Variants in SHB observed in about 807,000 individuals in gnomAD.
SHB encodes the protein SH2 domain-containing adapter protein B.
SHB carries 20 observed loss-of-function variants against 52.3 expected under a neutral mutation model. That is an observed-to-expected ratio of 0.38 (90% CI 0.27 to 0.56). The LOEUF (loss-of-function observed/expected upper bound fraction) is 0.56, where lower values mean the gene tolerates loss of function less well. Among genes scored for constraint, SHB ranks in the 20% least tolerant of loss-of-function variants. SHB has a pLI of 0.71. For missense variants in SHB, 825 were observed against 723.3 expected, an observed-to-expected ratio of 1.14 and a Z score of -1.61; for synonymous variants, 397 against 316.5, an observed-to-expected ratio of 1.25 and a Z score of -2.70.
intron 2 of SHB, among the ~76,000 whole-genome samples, chr9:37,999,162 C>A (rs188340866): frequency 3.0e-3 from 458 of 152,294 alleles, no homozygotes; most frequent in African/African-American, 0.01. Context: ...AGTCTGGGCT[C>A]AGATCTGAGG....
At chr9:37,978,265 AG>A (rs1347637442) in intron 2 of SHB, among the ~76,000 whole-genome samples, 22 of 152,236 alleles carry the variant, frequency 1.4e-4, no homozygotes, top group Non-Finnish European at 2.6e-4. Context: ...CCTCTCATGC[AG>A]GATTTATTGT....
intron 1 of SHB, among the ~76,000 whole-genome samples, chr9:38,064,904 CAGG>C (rs1271697972): frequency 6.6e-6 from 1 of 152,216 alleles, no homozygotes; most frequent in Admixed American, 6.5e-5. Flanking sequence ...GAGGCCAAGG[CAGG>C]AGGATTGCTT....
intron 1 of SHB, among the ~76,000 whole-genome samples, chr9:38,067,411 G>A (rs1351296900): frequency 6.6e-5 from 10 of 152,152 alleles, no homozygotes; most frequent in Non-Finnish European, 8.8e-5. Flanking sequence ...GGTGGGGCAG[G>A]GCAGGGCCGG....
At chr9:37,988,786 C>T (rs1159359412) in intron 2 of SHB, among the ~76,000 whole-genome samples, 1 of 152,206 alleles carries the variant, frequency 6.6e-6, no homozygotes, top group African/African-American at 2.4e-5. Flanking sequence ...TGGGCCTCAT[C>T]CAATCAGTTG....
At chr9:37,926,391 G>T (rs1202381063) in intron 5 of SHB, among the ~76,000 whole-genome samples, 1 of 152,172 alleles carries the variant, frequency 6.6e-6, no homozygotes, top group Non-Finnish European at 1.5e-5. Flanking sequence ...AGTGCTAGAA[G>T]ATTCGAGAAG....
At chr9:37,996,705 A>G (rs1397448531) in intron 2 of SHB, among the ~76,000 whole-genome samples, 2 of 152,108 alleles carry the variant, frequency 1.3e-5, no homozygotes, top group Non-Finnish European at 2.9e-5. Flanking sequence ...TCAACACCCA[A>G]AGGCATTCAA....
chr9:38,002,663 A>C (rs138378639), intron 2 of SHB, among the ~76,000 whole-genome samples: 340 of 152,284 alleles, frequency 2.2e-3, no homozygotes, highest in African/African-American at 7.6e-3. Flanking sequence ...TGGCTCTAAA[A>C]TTCTCTCTCT....
At chr9:38,009,098 A>T (rs1821105971) in intron 2 of SHB, among the ~76,000 whole-genome samples, 1 of 152,196 alleles carries the variant, frequency 6.6e-6, no homozygotes, top group African/African-American at 2.4e-5. Flanking sequence ...CTTCTCTGAC[A>T]CCCAAGCAAG....
intron 5 of SHB, among the ~76,000 whole-genome samples, chr9:37,923,170 G>A (rs1832203252): frequency 6.6e-6 from 1 of 152,216 alleles, no homozygotes; most frequent in East Asian, 1.9e-4. Context: ...GCACTCCCCA[G>A]ACCTGAGAGA....
intron 2 of SHB, among the ~76,000 whole-genome samples, chr9:38,013,438 CT>C (rs201999994): frequency 0.019 from 2,830 of 152,266 alleles, 50 homozygotes; most frequent in East Asian, 0.09. Flanking sequence ...CCCGTCTCTA[CT>C]AAAACTACAA....
At chr9:37,928,447 G>A (rs1385211417) in intron 5 of SHB, among the ~76,000 whole-genome samples, 1 of 152,200 alleles carries the variant, frequency 6.6e-6, no homozygotes, top group Non-Finnish European at 1.5e-5. Context: ...GGGCAATTTT[G>A]CACTCCCTCT....
intron 2 of SHB, among the ~76,000 whole-genome samples, chr9:37,986,775 C>T (rs1012574753): frequency 2.6e-5 from 4 of 152,180 alleles, no homozygotes; most frequent in East Asian, 1.9e-4. Flanking sequence ...CATGACAGGG[C>T]GGGCATCCCC....
At chr9:38,067,896 G>C (rs898936344) in intron 1 of SHB, 33 bp downstream of exon 1, 22 of 1,428,400 alleles carry the variant, frequency 1.5e-5, no homozygotes, top group Non-Finnish European at 1.9e-5. Flanking sequence ...CCGTGGCTCT[G>C]GAACCTCGGG....
intron 1 of SHB, among the ~76,000 whole-genome samples, chr9:38,036,094 T>C (rs973899296): frequency 1.3e-5 from 2 of 152,170 alleles, no homozygotes; most frequent in African/African-American, 4.8e-5. Flanking sequence ...ATCTTCTCCC[T>C]GCAGCACCCA....
chr9:37,989,851 A>G (rs1820861371), intron 2 of SHB, among the ~76,000 whole-genome samples: 1 of 152,190 alleles, frequency 6.6e-6, no homozygotes, highest in African/African-American at 2.4e-5. Context: ...CATGCACAAG[A>G]GCCAGGAACC....
At chr9:38,017,493 C>A (rs552860706) in intron 1 of SHB, among the ~76,000 whole-genome samples, 157 of 152,356 alleles carry the variant, frequency 1.0e-3, no homozygotes, top group African/African-American at 3.7e-3. Context: ...TGACCGCCAG[C>A]TGCCAGGAAT....
intron 1 of SHB, among the ~76,000 whole-genome samples, chr9:38,066,909 G>A (rs1821972542): frequency 6.6e-6 from 1 of 152,160 alleles, no homozygotes; most frequent in African/African-American, 2.4e-5. Flanking sequence ...AGAAGGTGGG[G>A]AGAACAACAG....
chr9:37,945,148 T>G (rs1407506458), intron 5 of SHB, among the ~76,000 whole-genome samples: 1 of 152,190 alleles, frequency 6.6e-6, no homozygotes, highest in Admixed American at 6.5e-5. Context: ...CAAACTCACA[T>G]GAAAATGGCC....
chr9:38,015,804 T>C (rs1821202369), intron 2 of SHB, among the ~76,000 whole-genome samples: 1 of 152,246 alleles, frequency 6.6e-6, no homozygotes, highest in African/African-American at 2.4e-5. Context: ...ACTCTCATGG[T>C]GCCCGGCCAG....
Sources: allele counts gnomAD v4.1 joint callset (sites outside exome capture counted in the v4.1 genomes callset), GRCh38; gene constraint gnomAD v4.1.1; transcripts MANE v1.5; gene names NCBI Gene and HGNC (gene_info 2026-07-23, HGNC 2026-07-21).